THSD7B: variants seen among roughly 807,000 people sequenced by gnomAD.
The protein encoded by THSD7B is thrombospondin type-1 domain-containing protein 7B.
THSD7B carries 138 observed loss-of-function variants against 213.6 expected under a neutral mutation model. The observed-to-expected ratio is 0.65, with a 90% confidence interval of 0.56 to 0.74. The LOEUF is 0.74. THSD7B is among the 30% of genes least tolerant of loss of function. The pLI, the probability that THSD7B is intolerant of heterozygous loss-of-function variation, is 0.00. For missense variants in THSD7B, 1,931 were observed against 1,991.5 expected, an observed-to-expected ratio of 0.97 and a Z score of 0.58; for synonymous variants, 742 against 687.0, an observed-to-expected ratio of 1.08 and a Z score of -1.25.
At chr2:137,426,927 A>C (rs1687072443) in intron 14 of THSD7B, among the ~76,000 whole-genome samples, 1 of 152,138 alleles carries the variant, frequency 6.6e-6, no homozygotes, top group African/African-American at 2.4e-5. Flanking sequence ...AAATATATTT[A>C]AAAACTACTA....
At chr2:137,343,997 T>C (rs1392916348) in intron 12 of THSD7B, among the ~76,000 whole-genome samples, 20 of 151,548 alleles carry the variant, frequency 1.3e-4, no homozygotes, top group Admixed American at 1.3e-3. Flanking sequence ...TATTTCTGAA[T>C]GGAGAGAAAA....
At chr2:136,978,642 A>C (rs1196992214) in intron 2 of THSD7B, among the ~76,000 whole-genome samples, 4 of 151,638 alleles carry the variant, frequency 2.6e-5, no homozygotes, top group African/African-American at 9.7e-5. Context: ...TGCTTGGTAA[A>C]TTTTCCTCCA....
At chr2:136,959,447 T>G (rs961483311) in intron 2 of THSD7B, among the ~76,000 whole-genome samples, 1 of 152,234 alleles carries the variant, frequency 6.6e-6, no homozygotes, top group Admixed American at 6.5e-5. Flanking sequence ...TTCTCTGAAT[T>G]TACTATTTCA....
intron 1 of THSD7B, among the ~76,000 whole-genome samples, chr2:136,824,635 T>C (rs964535593): frequency 5.3e-5 from 8 of 152,198 alleles, no homozygotes; most frequent in African/African-American, 1.9e-4. Context: ...CTGTCCTGTT[T>C]CTGATAGCTA....
intron 7 of THSD7B, among the ~76,000 whole-genome samples, chr2:137,230,711 C>T (rs1055485667): frequency 6.6e-6 from 1 of 152,110 alleles, no homozygotes; most frequent in Non-Finnish European, 1.5e-5. Flanking sequence ...GGTGAACGGA[C>T]AGCTCTGACT....
At chr2:137,656,245 T>A (rs1454182798) in intron 22 of THSD7B, among the ~76,000 whole-genome samples, 2 of 152,170 alleles carry the variant, frequency 1.3e-5, no homozygotes, top group Non-Finnish European at 1.5e-5. Flanking sequence ...ATATAACATA[T>A]GTGTATGTAT....
chr2:137,286,820 G>A (rs190913888), intron 12 of THSD7B, among the ~76,000 whole-genome samples: 7 of 152,126 alleles, frequency 4.6e-5, no homozygotes, highest in Admixed American at 4.6e-4. Flanking sequence ...TCCAGTAGGG[G>A]ATGCAGAGCA....
chr2:136,975,044 GTTT>G (rs144154932), intron 2 of THSD7B, among the ~76,000 whole-genome samples: 1 of 134,838 alleles, frequency 7.4e-6, no homozygotes, highest in African/African-American at 2.8e-5. Flanking sequence ...TTAATGGTTT[GTTT>G]TTTTTTTTTT....
intron 14 of THSD7B, among the ~76,000 whole-genome samples, chr2:137,439,389 A>G (rs183674638): frequency 2.3e-3 from 345 of 152,244 alleles, no homozygotes; most frequent in African/African-American, 7.5e-3. Context: ...ATTTCTGGCT[A>G]TTTAATTTTT....
intron 2 of THSD7B, among the ~76,000 whole-genome samples, chr2:137,037,310 T>G (rs1686795971): frequency 6.6e-6 from 1 of 152,150 alleles, no homozygotes; most frequent in Non-Finnish European, 1.5e-5. Context: ...GTTTACATAT[T>G]AAGACGATCT....
intron 2 of THSD7B, among the ~76,000 whole-genome samples, chr2:136,948,387 C>T (rs1407115379): frequency 1.3e-5 from 2 of 151,774 alleles, no homozygotes; most frequent in Non-Finnish European, 2.9e-5. Context: ...ACAAACTTGA[C>T]TCTCATGGTT....
At chr2:137,312,245 G>T (rs554591765) in intron 12 of THSD7B, among the ~76,000 whole-genome samples, 42 of 152,186 alleles carry the variant, frequency 2.8e-4, no homozygotes, top group African/African-American at 9.2e-4. Flanking sequence ...GAAAGTGTAT[G>T]TGTCGAGGAA....
At chr2:137,269,236 A>G (rs1319262723) in intron 10 of THSD7B, among the ~76,000 whole-genome samples, 1 of 152,198 alleles carries the variant, frequency 6.6e-6, no homozygotes, top group East Asian at 1.9e-4. Context: ...GTTGATTTTC[A>G]CTAGAGGATC....
intron 5 of THSD7B, among the ~76,000 whole-genome samples, chr2:137,142,262 G>A (rs922759163): frequency 1.3e-5 from 2 of 152,082 alleles, no homozygotes; most frequent in Admixed American, 1.3e-4. Context: ...AGTATCACAT[G>A]GCAGAAGGAC....
At chr2:137,480,959 G>A (rs1346180468) in intron 15 of THSD7B, among the ~76,000 whole-genome samples, 7 of 152,292 alleles carry the variant, frequency 4.6e-5, no homozygotes, top group East Asian at 1.9e-4. Flanking sequence ...CCTCTTACAC[G>A]GTCATTAGGT....
intron 17 of THSD7B, among the ~76,000 whole-genome samples, chr2:137,576,983 C>T (rs1034735231): frequency 6.6e-6 from 1 of 152,068 alleles, no homozygotes; most frequent in Admixed American, 6.6e-5. Flanking sequence ...CTCAACCTCA[C>T]CTAACAGTCT....
At chr2:137,278,431 C>T (rs79303884) in intron 12 of THSD7B, among the ~76,000 whole-genome samples, 4,075 of 152,140 alleles carry the variant, frequency 0.027, 106 homozygotes, top group Middle Eastern at 0.095. Flanking sequence ...CCAAGAAATC[C>T]ATATTAAATT....
chr2:136,876,819 A>G (rs1244260902), intron 1 of THSD7B, among the ~76,000 whole-genome samples: 2 of 152,172 alleles, frequency 1.3e-5, no homozygotes, highest in Non-Finnish European at 2.9e-5. Context: ...TCCTGCCTGT[A>G]TGAACCCACA....
intron 3 of THSD7B, among the ~76,000 whole-genome samples, chr2:137,069,728 C>T (rs967945815): frequency 4.6e-5 from 7 of 151,714 alleles, no homozygotes; most frequent in African/African-American, 1.5e-4. Flanking sequence ...ATTGCTATTC[C>T]TCCTTAAACA....
Sources: gnomAD v4.1 joint callset for allele counts (sites outside exome capture counted in the v4.1 genomes callset) on GRCh38, gnomAD v4.1.1 for gene constraint, MANE v1.5 for transcripts, NCBI Gene and HGNC (gene_info 2026-07-23, HGNC 2026-07-21) for gene names.